The following ASAP1 variants were observed in gnomAD, a reference collection of about 807,000 sequenced individuals.
ASAP1 encodes arf-GAP with SH3 domain, ANK repeat and PH domain-containing protein 1.
A neutral mutation model predicts 145.2 loss-of-function variants in ASAP1; 43 were observed. The ratio of observed to expected loss-of-function variants is 0.30; its 90% CI spans 0.23 to 0.38. The LOEUF is 0.38. ASAP1 is among the 10% of genes least tolerant of loss of function. The pLI is 1.00. For synonymous variants in ASAP1, 546 were observed against 515.5 expected, an observed-to-expected ratio of 1.06 and a Z score of -0.80; for missense variants, 1,018 against 1,355.3, an observed-to-expected ratio of 0.75 and a Z score of 3.91.
intron 3 of ASAP1, among the ~76,000 whole-genome samples, chr8:130,345,966 TAACTGTGGGTTTTTCC>T (rs1220059964): frequency 6.6e-6 from 1 of 152,202 alleles, no homozygotes; most frequent in Non-Finnish European, 1.5e-5. Flanking sequence ...AGAAATTTAG[TAACTGTGGGTTTTTCC>T]AACTGCTCTA....
chr8:130,137,075 C>A (rs1306695583), intron 13 of ASAP1, 37 bp from the exon 14 acceptor site: 1 of 1,548,274 alleles, frequency 6.5e-7, no homozygotes. Context: ...TTACATGCAG[C>A]TCCACTCTCT....
At chr8:130,393,361 A>T (rs1012599275) in intron 2 of ASAP1, among the ~76,000 whole-genome samples, 135 of 148,668 alleles carry the variant, frequency 9.1e-4, no homozygotes, top group African/African-American at 3.2e-3. Context: ...TTCTCCCTGG[A>T]AGGTATTAAA....
At chr8:130,227,256 T>C (rs1298103478) in intron 4 of ASAP1, among the ~76,000 whole-genome samples, 1 of 151,384 alleles carries the variant, frequency 6.6e-6, no homozygotes, top group East Asian at 1.9e-4. Flanking sequence ...CACTATTTTT[T>C]TGTGGTTTTT....
At chr8:130,351,635 A>G (rs1372921372) in intron 3 of ASAP1, among the ~76,000 whole-genome samples, 1 of 152,162 alleles carries the variant, frequency 6.6e-6, no homozygotes, top group Non-Finnish European at 1.5e-5. Flanking sequence ...TGGCGAAAGC[A>G]GGGGCGAGAG....
chr8:130,148,778 T>C (rs372670447), intron 13 of ASAP1, among the ~76,000 whole-genome samples: 5 of 152,206 alleles, frequency 3.3e-5, no homozygotes, highest in Non-Finnish European at 7.3e-5. Flanking sequence ...AATTCAAAAC[T>C]ATAGAAATGA....
At position 130,187,261 on chromosome 8, in the gene ASAP1, C is replaced by T. The variant is rs1814797631; in HGVS notation, c.505G>A (p.Ala169Thr). Reference sequence around the variant, plus strand: ...AACTTTGTCTCATAATCTTTCCAGGCTTTGTCAAATGGCTTCTTGAGATCC... The same window carrying T: ...AACTTTGTCTCATAATCTTTCCAGGTTTTGTCAAATGGCTTCTTGAGATCC... ...KGDLKKPFDK[A>T]WKDYETKFTK... The change falls in exon 7 of 30, where the codon GCC (alanine) becomes ACC (threonine). Residue 169 changes from alanine (A) to threonine (T), a missense_variant. By Grantham distance (58) the Ala-to-Thr change is moderately conservative (BLOSUM62 0). Transcript: ENST00000518721. 1 of 1,610,180 alleles carries T rather than the reference C, an allele frequency of 6.2e-7. No homozygotes were observed. The highest frequency in any genetic ancestry group is 8.5e-7 in the Non-Finnish European group (1 of 1,179,050).
chr8:130,054,447 T>C lies in ASAP1; in HGVS notation c.*284A>G. On this transcript the variant is annotated 3_prime_UTR_variant, in exon 30 of 30. Coordinates refer to ENST00000518721, the MANE Select transcript of ASAP1 (RefSeq NM_018482.4). ...AAGCCAGCAGTTCCTATACTCCTAT[T>C]TTTGTTTGTTTGCTTGTAGAACAGC... 3.5e-6 allele frequency: 1 copy of C among 289,426 alleles called. No homozygotes were observed. The highest frequency in any genetic ancestry group is 6.8e-6 in the Non-Finnish European group (1 of 146,144). 17.9% of individuals were successfully genotyped at this position (289,426 alleles called of 1,614,324 possible). A position where few individuals can be genotyped will look rare whatever the true frequency, so the allele number is the denominator to read the frequency against.
intron 3 of ASAP1, among the ~76,000 whole-genome samples, chr8:130,282,186 C>G (rs1821294066): frequency 6.6e-6 from 1 of 151,954 alleles, no homozygotes; most frequent in Non-Finnish European, 1.5e-5. Context: ...GATTTAATCA[C>G]ACTGTCAAAG....
At chr8:130,368,011 CT>C (rs1322435823) in intron 2 of ASAP1, among the ~76,000 whole-genome samples, 1 of 152,018 alleles carries the variant, frequency 6.6e-6, no homozygotes, top group African/African-American at 2.4e-5. Context: ...AGTTAACGTC[CT>C]TTTTCAAGTG....
At chr8:130,261,439 G>A (rs1819890341) in intron 3 of ASAP1, among the ~76,000 whole-genome samples, 1 of 152,168 alleles carries the variant, frequency 6.6e-6, no homozygotes, top group Non-Finnish European at 1.5e-5. Context: ...CTTCCAGGGG[G>A]TAGGTTTGAA....
chr8:130,265,632 TG>T (rs1820196444), intron 3 of ASAP1, among the ~76,000 whole-genome samples: 1 of 151,080 alleles, frequency 6.6e-6, no homozygotes, highest in Admixed American at 6.6e-5. Context: ...CCCAGCACTT[TG>T]GAAGATTGAG....
intron 2 of ASAP1, among the ~76,000 whole-genome samples, chr8:130,379,447 C>G (rs1366185789): frequency 6.6e-6 from 1 of 152,144 alleles, no homozygotes; most frequent in African/African-American, 2.4e-5. Flanking sequence ...GGAAACCTCT[C>G]AATTTATAGC....
chr8:130,135,428 T>A (rs1300103617), intron 14 of ASAP1, among the ~76,000 whole-genome samples: 1 of 152,054 alleles, frequency 6.6e-6, no homozygotes, highest in Non-Finnish European at 1.5e-5. Context: ...GAGGCTGCAG[T>A]GAGCTGCGAC....
intron 16 of ASAP1, among the ~76,000 whole-genome samples, 155 bp from the exon 17 acceptor site, chr8:130,126,244 C>T (rs1455172814): frequency 6.6e-6 from 1 of 152,176 alleles, no homozygotes; most frequent in Non-Finnish European, 1.5e-5. Flanking sequence ...AGCCTAGGGG[C>T]TACCATAAAA....
chr8:130,055,390 C>A (rs886829002), intron 29 of ASAP1, among the ~76,000 whole-genome samples: 3 of 151,880 alleles, frequency 2.0e-5, no homozygotes, highest in African/African-American at 4.8e-5. Flanking sequence ...GAAGGGGTTT[C>A]TTTGCCCACA....
At chr8:130,335,050 G>A (rs1477550250) in intron 3 of ASAP1, among the ~76,000 whole-genome samples, 1 of 152,154 alleles carries the variant, frequency 6.6e-6, no homozygotes, top group Non-Finnish European at 1.5e-5. Context: ...GTATGAGACG[G>A]ATTAACGATC....
At chr8:130,059,310 T>C (rs1204053431) in intron 28 of ASAP1, among the ~76,000 whole-genome samples, 10 of 152,032 alleles carry the variant, frequency 6.6e-5, no homozygotes, top group Non-Finnish European at 1.5e-5. Flanking sequence ...ATCGCAGGCA[T>C]GTACCACCAT....
At chr8:130,144,680 C>T (rs1411763745) in intron 13 of ASAP1, among the ~76,000 whole-genome samples, 3 of 152,198 alleles carry the variant, frequency 2.0e-5, no homozygotes, top group African/African-American at 7.2e-5. Flanking sequence ...AACTAAAGCT[C>T]TCACATCCCC....
chr8:130,424,927 A>T (rs189232427), intron 1 of ASAP1, among the ~76,000 whole-genome samples: 2,579 of 151,034 alleles, frequency 0.017, 79 homozygotes, highest in African/African-American at 0.06. Context: ...CGGGAGGCAG[A>T]GGTTGCAGTG....
Sources: allele counts gnomAD v4.1 joint callset (sites outside exome capture counted in the v4.1 genomes callset), GRCh38; gene constraint gnomAD v4.1.1; transcripts MANE v1.5; gene names NCBI Gene and HGNC (gene_info 2026-07-23, HGNC 2026-07-21).